Variants in IQSEC1 observed in about 807,000 individuals in gnomAD.
IQSEC1 encodes the protein IQ motif and Sec7 domain ArfGEF 1.
IQSEC1 carries 31 observed loss-of-function variants against 91.0 expected under a neutral mutation model. The observed-to-expected ratio is 0.34, with a 90% CI of 0.26 to 0.46. IQSEC1 has a LOEUF of 0.46. Among genes scored for constraint, IQSEC1 ranks in the 20% least tolerant of loss-of-function variants. The pLI, the probability that IQSEC1 is intolerant of heterozygous loss-of-function variation, is 1.00. For missense variants in IQSEC1, 1,388 were observed against 1,575.6 expected (o/e 0.88, Z 2.02); for synonymous variants, 699 against 662.6 (o/e 1.05, Z -0.84).
At chr3:13,197,248 C>T (rs1384757355) in intron 1 of IQSEC1, among the ~76,000 whole-genome samples, 2 of 152,240 alleles carry the variant, frequency 1.3e-5, no homozygotes, top group Non-Finnish European at 2.9e-5. Context: ...GCTCCCTGCA[C>T]ACATTTTTTA....
intron 2 of IQSEC1, among the ~76,000 whole-genome samples, chr3:13,156,157 G>A (rs1323412834): frequency 1.3e-5 from 2 of 152,036 alleles, no homozygotes. Context: ...GCTTGAACCT[G>A]GGAGGCAGAG....
chr3:12,956,286 G>A (rs974793912), intron 1 of IQSEC1, among the ~76,000 whole-genome samples: 1 of 152,126 alleles, frequency 6.6e-6, no homozygotes, highest in African/African-American at 2.4e-5. Flanking sequence ...AAGGCCCAAC[G>A]CAAAGAACAG....
At chr3:13,130,995 AAAG>A (rs1017462504) in intron 2 of IQSEC1, among the ~76,000 whole-genome samples, 22 of 143,758 alleles carry the variant, frequency 1.5e-4, no homozygotes, top group Non-Finnish European at 2.3e-4. Context: ...GAGAGAAAGA[AAAG>A]AAGGAGGGAA....
upstream of IQSEC1, among the ~76,000 whole-genome samples, chr3:13,078,388 G>T (rs1158272277): frequency 6.6e-6 from 1 of 152,148 alleles, no homozygotes; most frequent in Non-Finnish European, 1.5e-5. Flanking sequence ...GAGATGCTGG[G>T]CCCCTGCGTG....
chr3:12,942,373 AG>A (rs752863851), intron 1 of IQSEC1, among the ~76,000 whole-genome samples: 26 of 152,104 alleles, frequency 1.7e-4, no homozygotes, highest in African/African-American at 5.1e-4. Flanking sequence ...GAGGCCGAGG[AG>A]GGCGGATCAC....
upstream of IQSEC1, among the ~76,000 whole-genome samples, chr3:13,076,960 G>A (rs111339354): frequency 6.6e-6 from 1 of 151,488 alleles, no homozygotes; most frequent in Non-Finnish European, 1.5e-5. Flanking sequence ...ACATATATAT[G>A]CCTATAGAAA....
chr3:13,246,001 G>C (rs1335920217), intron 1 of IQSEC1, among the ~76,000 whole-genome samples: 1 of 152,136 alleles, frequency 6.6e-6, no homozygotes, highest in East Asian at 1.9e-4. Context: ...AACATGGCAA[G>C]GGACACAGGA....
chr3:13,224,408 G>A (rs1032798524), intron 1 of IQSEC1, among the ~76,000 whole-genome samples: 9 of 152,110 alleles, frequency 5.9e-5, no homozygotes, highest in African/African-American at 2.2e-4. Context: ...CTAGTTCTGG[G>A]CCCTGGGCCC....
intron 1 of IQSEC1, among the ~76,000 whole-genome samples, chr3:13,168,607 C>A (rs1340436215): frequency 6.6e-6 from 1 of 152,202 alleles, no homozygotes; most frequent in African/African-American, 2.4e-5. Flanking sequence ...AGTCCTCCAC[C>A]TTCTTAGGGT....
At chr3:12,975,137 C>T (rs1701101329) in intron 1 of IQSEC1, among the ~76,000 whole-genome samples, 1 of 152,236 alleles carries the variant, frequency 6.6e-6, no homozygotes, top group South Asian at 2.1e-4. Context: ...CAGGGCCAGG[C>T]ACACGGCAGC....
At chr3:12,917,884 C>T (rs1159182587) in intron 6 of IQSEC1, among the ~76,000 whole-genome samples, 1 of 152,222 alleles carries the variant, frequency 6.6e-6, no homozygotes, top group Admixed American at 6.5e-5. Flanking sequence ...GACTGGCTTC[C>T]GTGGTGAGCT....
chr3:13,022,573 A>G, intron 1 of IQSEC1: 1 of 506,946 alleles, frequency 2.0e-6, no homozygotes, highest in Non-Finnish European at 2.5e-6. Flanking sequence ...CTGGGATGGG[A>G]GAGGCGAGCT....
chr3:12,899,595 GC>G lies in IQSEC1; in HGVS notation c.*1387del. On this transcript the variant is annotated 3_prime_UTR_variant, in exon 14 of 14. Coordinates refer to ENST00000613206, the MANE Select transcript of IQSEC1 (RefSeq NM_001134382.3). Reference sequence around the variant, plus strand: ...ACTGGACCATGGGAAGGCAGCGGGGGCTCCGCCGGGCACTCGTCGGCTGGGG... The same window carrying G: ...ACTGGACCATGGGAAGGCAGCGGGGGTCCGCCGGGCACTCGTCGGCTGGGG... The G allele has an allele frequency of 1.0e-6, 1 of 985,280 alleles. No individual in the cohort carries two copies. Among genetic ancestry groups the G allele is most frequent in the Non-Finnish European group, 1.2e-6 (1 of 829,874 alleles). 61.0% of individuals were successfully genotyped at this position (985,280 alleles called of 1,614,324 possible).
At chr3:12,952,406 G>A (rs1386975371) in intron 1 of IQSEC1, among the ~76,000 whole-genome samples, 1 of 152,108 alleles carries the variant, frequency 6.6e-6, no homozygotes, top group Non-Finnish European at 1.5e-5. Flanking sequence ...TCAGCACATC[G>A]GGCTGCTCCG....
intron 2 of IQSEC1, among the ~76,000 whole-genome samples, chr3:13,115,575 A>T (rs1047090484): frequency 6.6e-6 from 1 of 152,210 alleles, no homozygotes; most frequent in Non-Finnish European, 1.5e-5. Flanking sequence ...CTAGTAGAGC[A>T]GGAACAAGAA....
At chr3:13,086,848 CT>C (rs1705744264) in intron 2 of IQSEC1, among the ~76,000 whole-genome samples, 1 of 152,236 alleles carries the variant, frequency 6.6e-6, no homozygotes, top group South Asian at 2.1e-4. Flanking sequence ...TACAGGCATC[CT>C]GTTTAATTGT....
Position 12,977,355 on chromosome 3 carries a change from A to G in IQSEC1, c.24-35490T>C, listed in dbSNP as rs866080044. Among the ~76,000 whole-genome samples, 1,019 of 149,664 alleles carry G rather than the reference A, an allele frequency of 6.8e-3. 15 individuals are homozygous for G. Among genetic ancestry groups the G allele is most frequent in the African/African-American group, 0.023 (962 of 41,166 alleles). On this transcript the variant is annotated intron_variant, in intron 1 of 13. Transcript: ENST00000613206. ...AGTATAAAATCCTGTCTCCAGGGAA[A>G]AAAAAAAAAAGCGCTATCCCGTTGG... is the stretch of plus-strand genomic sequence containing the variant.
intron 2 of IQSEC1, among the ~76,000 whole-genome samples, 174 bp from the exon 3 acceptor site, chr3:12,936,871 G>A (rs958305204): frequency 1.3e-5 from 2 of 152,162 alleles, no homozygotes; most frequent in African/African-American, 4.8e-5. Flanking sequence ...GAGTCCCAAG[G>A]TCAAACTGGA....
chr3:13,264,380 G>A (rs968499422), intron 1 of IQSEC1, among the ~76,000 whole-genome samples: 106 of 152,350 alleles, frequency 7.0e-4, no homozygotes, highest in African/African-American at 2.4e-3. Flanking sequence ...GGGCAGAAGG[G>A]CGGACACGGT....
Sources: gnomAD v4.1 joint callset for allele counts (sites outside exome capture counted in the v4.1 genomes callset) on GRCh38, gnomAD v4.1.1 for gene constraint, MANE v1.5 for transcripts, NCBI Gene and HGNC (gene_info 2026-07-23, HGNC 2026-07-21) for gene names.